The following MTUS1 variants were observed in gnomAD, a reference collection of about 807,000 sequenced individuals.
MTUS1 encodes microtubule associated scaffold protein 1, also known as microtubule-associated tumor suppressor 1.
MTUS1 carries 109 observed loss-of-function variants against 120.8 expected under a neutral mutation model. That is an observed-to-expected ratio of 0.90 (90% confidence interval 0.77 to 1.06). The LOEUF (loss-of-function observed/expected upper bound fraction) is 1.06, where lower values mean the gene tolerates loss of function less well. Ranked by LOEUF, MTUS1 falls within the 50% of genes least tolerant of loss-of-function variation. The pLI is 0.00. For synonymous variants in MTUS1, 737 were observed against 550.5 expected (o/e 1.34, Z -4.74); for missense variants, 2,210 against 1,486.3 (o/e 1.49, Z -8.01).
chr8:17,672,541 T>A (rs1422667816), intron 8 of MTUS1, among the ~76,000 whole-genome samples: 1 of 152,184 alleles, frequency 6.6e-6, no homozygotes, highest in African/African-American at 2.4e-5. Flanking sequence ...ATGCTGAAAC[T>A]AACAATCCCA....
intron 3 of MTUS1, among the ~76,000 whole-genome samples, chr8:17,740,766 G>T (rs1284464473): frequency 6.6e-6 from 1 of 152,154 alleles, no homozygotes; most frequent in East Asian, 1.9e-4. Context: ...CCAAGATAGA[G>T]GTGCCAGCTG....
rs1355216495 is a variant in MTUS1 at position 17,645,535 on chromosome 8, T to G, written c.*391A>C. On this transcript the variant is annotated 3_prime_UTR_variant, in exon 15 of 15. Coordinates refer to ENST00000693296, the MANE Select transcript of MTUS1 (RefSeq NM_001363059.2). ...ACACCCCCCACCCCCACAGTCAGAC[T>G]GAAAACTCACAAGAAGGTGTCTGTG... 2.9e-5 allele frequency: 5 copies of G among 172,708 alleles called. No individual in the cohort carries two copies. Among genetic ancestry groups the G allele is most frequent in the African/African-American group, 1.2e-4 (5 of 41,702 alleles). The allele number at this position is 172,708 out of a possible 1,614,324, so 10.7% of individuals were successfully genotyped here. A position where few individuals can be genotyped will look rare whatever the true frequency, so the allele number is the denominator to read the frequency against.
At chr8:17,751,862 TAAAAAAAAAAAA>T (rs56362055) in intron 2 of MTUS1, among the ~76,000 whole-genome samples, 13 of 96,546 alleles carry the variant, frequency 1.3e-4, no homozygotes, top group Non-Finnish European at 1.5e-4. Flanking sequence ...GACTCTGCCT[TAAAAAAAAAAAA>T]AAAAAAAAAA....
At chr8:17,742,291 GTTTTTTTTTT>G (rs1237059839) in intron 3 of MTUS1, among the ~76,000 whole-genome samples, 28 of 94,698 alleles carry the variant, frequency 3.0e-4, no homozygotes, top group African/African-American at 1.1e-3. Flanking sequence ...TGTTGTTGTT[GTTTTTTTTTT>G]TTTTTTTTTT....
chr8:17,713,239 T>G lies in MTUS1; in HGVS notation c.2598A>C (p.Lys866Asn). The stretch of plus-strand genomic sequence containing the variant: ...CTGCATTAAGAGCTGTAAATAAATT[T>G]TTTCTCGAAGGACCTAAGATATAAA... The part of the protein sequence containing the change: ...MKTPPKGPSR[K>N]NLFTALNAVE... The change falls in exon 6 of 15, where the codon AAA becomes AAC. Residue 866 changes from lysine (K) to asparagine (N), a missense_variant. Transcript: ENST00000693296. The G allele has an allele frequency of 6.3e-7, 1 of 1,593,700 alleles. No homozygotes were observed. Among genetic ancestry groups the G allele is most frequent in the Non-Finnish European group, 8.6e-7 (1 of 1,163,660 alleles).
intron 6 of MTUS1, chr8:17,697,533 G>GA: frequency 7.1e-7 from 1 of 1,409,860 alleles, no homozygotes. Context: ...AGGCATAGAA[G>GA]AAAAAAATCC....
chr8:17,792,876 AG>A (rs2051916105), intron 1 of MTUS1, among the ~76,000 whole-genome samples: 1 of 152,242 alleles, frequency 6.6e-6, no homozygotes, highest in Admixed American at 6.5e-5. Context: ...AAAATCTGAA[AG>A]CAAAACAATT....
intron 1 of MTUS1, among the ~76,000 whole-genome samples, chr8:17,790,589 T>C (rs2051694967): frequency 6.6e-6 from 1 of 152,226 alleles, no homozygotes; most frequent in South Asian, 2.1e-4. Flanking sequence ...CTAATCTGAA[T>C]GGCTTACAAC....
chr8:17,667,975 C>T (rs1314728499), intron 8 of MTUS1, among the ~76,000 whole-genome samples: 1 of 152,182 alleles, frequency 6.6e-6, no homozygotes. Flanking sequence ...GAAGGGCAAG[C>T]ATTTTTAGTG....
chr8:17,746,603 A>C (rs1054041899), intron 2 of MTUS1, among the ~76,000 whole-genome samples: 1 of 152,112 alleles, frequency 6.6e-6, no homozygotes, highest in African/African-American at 2.4e-5. Context: ...GTATGGGGGA[A>C]ACCACCCCCA....
chr8:17,708,237 C>A (rs1453851623), intron 6 of MTUS1, among the ~76,000 whole-genome samples: 1 of 152,204 alleles, frequency 6.6e-6, no homozygotes, highest in African/African-American at 2.4e-5. Flanking sequence ...TCAGACTATA[C>A]AAGAACTCCT....
rs1805551150 is a variant in MTUS1 at position 17,645,257 on chromosome 8, C to G, written c.*669G>C. ...CCAAAAGATACAGAGAATGTATAGA[C>G]AGGGACAAGTCAAAGCTCTTCCTGT... On this transcript the variant is annotated 3_prime_UTR_variant, in exon 15 of 15. Coordinates refer to ENST00000693296, the MANE Select transcript of MTUS1 (RefSeq NM_001363059.2). The G allele has an allele frequency of 6.6e-6, 1 of 152,572 alleles. No individual in the cohort carries two copies. 9.5% of individuals were successfully genotyped at this position (152,572 alleles called of 1,614,324 possible).
intron 2 of MTUS1, among the ~76,000 whole-genome samples, chr8:17,747,917 G>A (rs1029421667): frequency 9.2e-5 from 14 of 152,158 alleles, no homozygotes; most frequent in Non-Finnish European, 7.3e-5. Flanking sequence ...GAGAGCTCAT[G>A]CAAGAAAACT....
At chr8:17,757,050 G>A (rs2048679238) in intron 1 of MTUS1, among the ~76,000 whole-genome samples, 1 of 152,112 alleles carries the variant, frequency 6.6e-6, no homozygotes, top group African/African-American at 2.4e-5. Context: ...ATCTACTGAA[G>A]AAAATGAAAA....
intron 2 of MTUS1, among the ~76,000 whole-genome samples, chr8:17,750,707 A>G (rs1437148596): frequency 1.3e-5 from 2 of 152,184 alleles, no homozygotes; most frequent in Non-Finnish European, 2.9e-5. Context: ...GGGCCCATTA[A>G]ATGGCATAAT....
chr8:17,662,440 C>A (rs1246501342), intron 8 of MTUS1, among the ~76,000 whole-genome samples: 1 of 149,596 alleles, frequency 6.7e-6, no homozygotes, highest in East Asian at 2.0e-4. Context: ...ACTGCAACCT[C>A]CACCTCCCGG....
intron 6 of MTUS1, among the ~76,000 whole-genome samples, chr8:17,702,665 G>A (rs1819333947): frequency 6.6e-6 from 1 of 152,134 alleles, no homozygotes. Context: ...TTAGCATAGT[G>A]TCCTCCAGCT....
chr8:17,722,341 G>A, intron 4 of MTUS1: 1 of 964,016 alleles, frequency 1.0e-6, no homozygotes, highest in South Asian at 4.8e-5. Flanking sequence ...AGAGCATGTT[G>A]GTGATTCTGT....
At chr8:17,691,522 G>T (rs768953724) in intron 6 of MTUS1, among the ~76,000 whole-genome samples, 1 of 152,218 alleles carries the variant, frequency 6.6e-6, no homozygotes, top group Non-Finnish European at 1.5e-5. Flanking sequence ...CAAGAGGCCA[G>T]CAAAATCTTT....
Sources: gnomAD v4.1 joint callset for allele counts (sites outside exome capture counted in the v4.1 genomes callset) on GRCh38, gnomAD v4.1.1 for gene constraint, MANE v1.5 for transcripts, NCBI Gene and HGNC (gene_info 2026-07-23, HGNC 2026-07-21) for gene names.